The following FLNB variants were observed in gnomAD, a reference collection of about 807,000 sequenced individuals.
The protein encoded by FLNB is filamin B, also known as filamin-B.
In FLNB, 111 loss-of-function variants were observed where a neutral mutation model predicts 250.6. That is an observed-to-expected ratio of 0.44 (90% CI 0.38 to 0.52). The LOEUF is 0.52. Among genes scored for constraint, FLNB ranks in the 20% least tolerant of loss-of-function variants. The probability of loss-of-function intolerance (pLI) is 0.00; values close to 1 mark genes in which losing one functional copy is unlikely to be tolerated. For synonymous variants in FLNB, 1,302 were observed against 1,372.1 expected (o/e 0.95, Z 1.13); for missense variants, 2,869 against 3,447.8 (o/e 0.83, Z 4.20).
chr3:58,141,377 T>G (rs1015076795), intron 29 of FLNB, among the ~76,000 whole-genome samples: 1 of 152,220 alleles, frequency 6.6e-6, no homozygotes, highest in African/African-American at 2.4e-5. Context: ...ACACCTCACT[T>G]TCATGCCTGG....
Position 58,170,890 on chromosome 3 carries a change from T to A in FLNB, c.*128T>A. 2.4e-6 allele frequency: 2 copies of A among 831,928 alleles called. No homozygotes were observed. The highest frequency in any genetic ancestry group is 3.9e-6 in the Non-Finnish European group (2 of 508,916). The allele number at this position is 831,928 out of a possible 1,614,324, so 51.5% of individuals were successfully genotyped here. On this transcript the variant is annotated 3_prime_UTR_variant, in exon 46 of 46. Coordinates refer to ENST00000295956, the MANE Select transcript of FLNB (RefSeq NM_001457.4). ...CCCCATCCCTAAAATATTGCTGTTG[T>A]AAAATGCCTTCAGAAATAAGTCCTA... is the stretch of plus-strand genomic sequence containing the variant.
At chr3:58,119,533 C>A (rs767844563) in intron 19 of FLNB, among the ~76,000 whole-genome samples, 3 of 152,070 alleles carry the variant, frequency 2.0e-5, no homozygotes, top group Admixed American at 2.0e-4. Context: ...AAGCTCATTT[C>A]GCTTATTTTC....
At chr3:58,148,556 G>T (rs1444394226) in intron 35 of FLNB, 93 bp from the exon 36 acceptor site, 7 of 1,304,174 alleles carry the variant, frequency 5.4e-6, no homozygotes, top group Non-Finnish European at 7.7e-6. Flanking sequence ...TGGGTGTCAG[G>T]AAAGAGGACA....
intron 2 of FLNB, among the ~76,000 whole-genome samples, chr3:58,077,739 C>T (rs1408170299): frequency 1.3e-5 from 2 of 152,160 alleles, no homozygotes; most frequent in African/African-American, 4.8e-5. Context: ...CTATATATGG[C>T]ATTCTCCACC....
chr3:58,152,840 A>T, intron 38 of FLNB: 4 of 877,618 alleles, frequency 4.6e-6, no homozygotes, highest in Non-Finnish European at 6.4e-6. Context: ...GTGCAGGCAC[A>T]GTCGTTGGCA....
intron 18 of FLNB, among the ~76,000 whole-genome samples, chr3:58,114,933 T>C (rs566292101): frequency 6.6e-6 from 1 of 152,298 alleles, no homozygotes; most frequent in South Asian, 2.1e-4. Flanking sequence ...ATTCTCCATG[T>C]ATTCTGGATA....
chr3:58,133,668 A>G (rs1009844750), intron 26 of FLNB, among the ~76,000 whole-genome samples: 2 of 152,008 alleles, frequency 1.3e-5, no homozygotes, highest in African/African-American at 4.8e-5. Flanking sequence ...ACAAAAAAAA[A>G]TGTTACATAA....
chr3:58,100,583 C>G (rs1406850460), intron 8 of FLNB, among the ~76,000 whole-genome samples: 1 of 135,014 alleles, frequency 7.4e-6, no homozygotes, highest in Non-Finnish European at 1.5e-5. Context: ...TTTTCTTTTT[C>G]TTTTTCTTTT....
In FLNB at chr3:58,156,046, G is replaced by A. The variant is rs1374840098; in HGVS notation, c.6859G>A (p.Ala2287Thr). 11 of 1,613,966 alleles carry A rather than the reference G, an allele frequency of 6.8e-6. No individual in the cohort carries two copies. The highest frequency in any genetic ancestry group is 1.7e-5 in the Admixed American group (1 of 60,022). Residue 2287 changes from alanine (A) to threonine (T), a missense_variant, in exon 41 of 46, where the codon GCC (alanine) becomes ACC (threonine). Physicochemically the swap from Ala to Thr is moderately conservative, Grantham distance 58. Coordinates refer to ENST00000295956, the MANE Select transcript of FLNB (RefSeq NM_001457.4). ...LVPVIAPSDD[A>T]RRLTVMSLQE... ...GCCGGTCATCGCACCCTCCGACGAC[G>A]CCCGCCGCCTCACTGTTATGAGCCT...
At chr3:58,034,786 T>G (rs2097135695) in intron 1 of FLNB, among the ~76,000 whole-genome samples, 1 of 152,126 alleles carries the variant, frequency 6.6e-6, no homozygotes, top group African/African-American at 2.4e-5. Flanking sequence ...TGGCTCTGCT[T>G]CTCTGATTCT....
intron 1 of FLNB, among the ~76,000 whole-genome samples, chr3:58,014,869 C>T (rs1048230632): frequency 3.3e-5 from 5 of 152,302 alleles, no homozygotes; most frequent in Admixed American, 6.5e-5. Context: ...GCTGGGATTA[C>T]AGGCGTGCGC....
At chr3:58,039,040 A>T (rs544900401) in intron 1 of FLNB, among the ~76,000 whole-genome samples, 1,834 of 142,754 alleles carry the variant, frequency 0.013, 31 homozygotes, top group African/African-American at 0.045. Flanking sequence ...TTTTTTTTTT[A>T]AAAAAAAGAC....
intron 1 of FLNB, among the ~76,000 whole-genome samples, chr3:58,052,309 A>T (rs772591758): frequency 6.6e-6 from 1 of 152,158 alleles, no homozygotes; most frequent in Non-Finnish European, 1.5e-5. Flanking sequence ...CCACCATATG[A>T]GGGGACAAGA....
intron 32 of FLNB, among the ~76,000 whole-genome samples, chr3:58,144,724 A>G (rs1380164954): frequency 6.6e-6 from 1 of 152,230 alleles, no homozygotes; most frequent in African/African-American, 2.4e-5. Context: ...CCCTCTGGCC[A>G]TGGAGAAGAG....
intron 25 of FLNB, chr3:58,132,545 C>T: frequency 1.8e-6 from 1 of 541,452 alleles, no homozygotes; most frequent in Non-Finnish European, 3.3e-6. Flanking sequence ...CACAGGCAGT[C>T]TCCTTAATTA....
rs561941290 is a variant in FLNB, at chr3:58,029,372, G to A, written c.292+20516G>A. Among the ~76,000 whole-genome samples the A allele has an allele frequency of 9.9e-5, 15 of 152,212 alleles. No homozygotes were observed. The South Asian group carries it at 2.1e-3, about 21-fold the overall frequency. Reference sequence around the variant, plus strand: ...AAAAGCCTCATACTGCTAATCTCTGGGAATGAATGGTGTTCTTTGGGATAA... The same window carrying A: ...AAAAGCCTCATACTGCTAATCTCTGAGAATGAATGGTGTTCTTTGGGATAA... On this transcript the variant is annotated intron_variant, in intron 1 of 45. Coordinates refer to ENST00000295956, the MANE Select transcript of FLNB (RefSeq NM_001457.4).
intron 4 of FLNB, among the ~76,000 whole-genome samples, chr3:58,093,765 A>G (rs1008594549): frequency 1.3e-5 from 2 of 152,262 alleles, no homozygotes; most frequent in African/African-American, 4.8e-5. Flanking sequence ...CATCTATACC[A>G]TGGAATATTA....
chr3:58,142,536 T>C lies in FLNB; in HGVS notation c.5182-114T>C. 1.1e-6 allele frequency: 1 copy of C among 901,404 alleles called. No individual in the cohort carries two copies. Among genetic ancestry groups the C allele is most frequent in the Admixed American group, 2.0e-5 (1 of 50,722 alleles). 55.8% of individuals were successfully genotyped at this position (901,404 alleles called of 1,614,324 possible). On this transcript the variant is annotated intron_variant, in intron 30 of 45. Coordinates refer to ENST00000295956, the MANE Select transcript of FLNB (RefSeq NM_001457.4). This position sits in a 1 kb window ranked among gnomAD's most constrained non-coding sequence, Gnocchi z 4.3. ...CCCATACCACAATGGGCAGCCGCAT[T>C]CCCAAATCCCGGCCTCACTGGCTTG...
In FLNB at chr3:58,081,853, A is replaced by G. The variant is rs2097209642; in HGVS notation, c.787+77A>G. ...AGATGATTTCATGGCTTCAAGAGTGATGTTCTTAGAATCAAAAATAGATAG... is the reference window on the plus strand; with the variant it reads ...AGATGATTTCATGGCTTCAAGAGTGGTGTTCTTAGAATCAAAAATAGATAG... On this transcript the variant is annotated intron_variant, in intron 4 of 45. Coordinates refer to ENST00000295956, the MANE Select transcript of FLNB (RefSeq NM_001457.4). 18 of 1,510,792 alleles carry G rather than the reference A, an allele frequency of 1.2e-5. No homozygotes were observed. In the South Asian group the frequency reaches 1.7e-4, roughly 14 times the overall value. 93.6% of individuals were successfully genotyped at this position (1,510,792 alleles called of 1,614,324 possible). A position where few individuals can be genotyped will look rare whatever the true frequency, so the allele number is the denominator to read the frequency against.
Sources: gnomAD v4.1 joint callset for allele counts (sites outside exome capture counted in the v4.1 genomes callset) on GRCh38, gnomAD v4.1.1 for gene constraint, Gnocchi (gnomAD v3.1) non-coding constraint, MANE v1.5 for transcripts, NCBI Gene and HGNC (gene_info 2026-07-23, HGNC 2026-07-21) for gene names.